Variants in PCNX2 observed in about 807,000 individuals in gnomAD.
The protein encoded by PCNX2 is pecanex-like protein 2.
In PCNX2, 168 loss-of-function variants were observed where a neutral mutation model predicts 223.8. The observed-to-expected ratio is 0.75, with a 90% CI of 0.66 to 0.85. The LOEUF (loss-of-function observed/expected upper bound fraction) is 0.85, where lower values mean the gene tolerates loss of function less well. Among genes scored for constraint, PCNX2 ranks in the 40% least tolerant of loss-of-function variants. The pLI, the probability that PCNX2 is intolerant of heterozygous loss-of-function variation, is 0.00. For synonymous variants in PCNX2, 1,006 were observed against 1,052.6 expected (o/e 0.96, Z 0.86); for missense variants, 2,507 against 2,675.5 (o/e 0.94, Z 1.39).
intron 19 of PCNX2, among the ~76,000 whole-genome samples, chr1:233,157,704 C>A (rs754837648): frequency 1.3e-5 from 2 of 152,114 alleles, no homozygotes; most frequent in African/African-American, 4.8e-5. Context: ...GGCAGAAGTC[C>A]AGGAAGAAGA....
intron 23 of PCNX2, among the ~76,000 whole-genome samples, chr1:233,066,421 A>G (rs541162673): frequency 4.3e-4 from 65 of 152,312 alleles, no homozygotes; most frequent in African/African-American, 1.5e-3. Flanking sequence ...GGTTGCTGGC[A>G]TCTCTGAGTT....
chr1:233,124,629 A>G (rs747436801), intron 21 of PCNX2, among the ~76,000 whole-genome samples: 5 of 152,234 alleles, frequency 3.3e-5, no homozygotes, highest in African/African-American at 4.8e-5. Context: ...AGAGGAAATA[A>G]CATTTGTTGT....
At chr1:233,070,228 C>T (rs911674008) in intron 23 of PCNX2, among the ~76,000 whole-genome samples, 4 of 152,036 alleles carry the variant, frequency 2.6e-5, no homozygotes, top group Admixed American at 2.6e-4. Flanking sequence ...CTTAGAAACT[C>T]CCCCCAAAAT....
At chr1:233,136,222 T>C (rs1449448416) in intron 20 of PCNX2, among the ~76,000 whole-genome samples, 1 of 152,150 alleles carries the variant, frequency 6.6e-6, no homozygotes, top group Non-Finnish European at 1.5e-5. Flanking sequence ...GTGGGAAAAT[T>C]TCTAGAAAAT....
chr1:233,324,557 C>T, the PCNX2 span, among the ~76,000 whole-genome samples: 10 of 151,898 alleles, frequency 6.6e-5, no homozygotes, highest in Non-Finnish European at 1.2e-4. Flanking sequence ...CACAACAAAG[C>T]CTGGATGACA....
chr1:233,007,832 T>C (rs1004591047), intron 28 of PCNX2, among the ~76,000 whole-genome samples: 1 of 151,542 alleles, frequency 6.6e-6, no homozygotes, highest in Non-Finnish European at 1.5e-5. Flanking sequence ...CCTGCCACCA[T>C]GCCCGGCTAT....
intron 10 of PCNX2, among the ~76,000 whole-genome samples, chr1:233,222,551 A>G (rs899900668): frequency 1.3e-5 from 2 of 152,158 alleles, no homozygotes; most frequent in African/African-American, 4.8e-5. Context: ...TTAAAAAAAA[A>G]TACTATACAA....
At chr1:233,116,684 C>T (rs1415077420) in intron 21 of PCNX2, among the ~76,000 whole-genome samples, 1 of 152,050 alleles carries the variant, frequency 6.6e-6, no homozygotes, top group Non-Finnish European at 1.5e-5. Context: ...GCACTAAATG[C>T]ATACATTAGA....
intron 8 of PCNX2, chr1:233,241,412 T>G: frequency 1.0e-6 from 1 of 972,318 alleles, no homozygotes; most frequent in Non-Finnish European, 1.2e-6. Flanking sequence ...TATGCCTCTA[T>G]GCCTGGGTGA....
chr1:233,118,071 G>C (rs912894874), intron 21 of PCNX2, among the ~76,000 whole-genome samples: 1 of 151,610 alleles, frequency 6.6e-6, no homozygotes, highest in South Asian at 2.1e-4. Context: ...AGGGATGCAA[G>C]GTTGGTTTAA....
chr1:233,046,287 T>C (rs1671820272), intron 25 of PCNX2, among the ~76,000 whole-genome samples: 1 of 152,198 alleles, frequency 6.6e-6, no homozygotes, highest in African/African-American at 2.4e-5. Flanking sequence ...AAAGCCATTA[T>C]TTTGGAAAAC....
At chr1:233,155,531 A>G (rs1558289934) in intron 19 of PCNX2, among the ~76,000 whole-genome samples, 1 of 152,190 alleles carries the variant, frequency 6.6e-6, no homozygotes, top group Non-Finnish European at 1.5e-5. Flanking sequence ...ATGAATCTCA[A>G]TACCATACTT....
intron 22 of PCNX2, among the ~76,000 whole-genome samples, chr1:233,092,042 A>G (rs1465954416): frequency 3.3e-5 from 5 of 152,216 alleles, no homozygotes; most frequent in African/African-American, 1.2e-4. Flanking sequence ...CACAAAACAC[A>G]ACAAATTAGC....
intron 32 of PCNX2, among the ~76,000 whole-genome samples, chr1:232,989,885 C>T (rs1388796346): frequency 1.3e-5 from 2 of 152,338 alleles, no homozygotes; most frequent in South Asian, 4.1e-4. Flanking sequence ...CAAGGGGCTG[C>T]CACTGCAGAC....
At chr1:233,292,714 A>G (rs1661843203) in intron 1 of PCNX2, among the ~76,000 whole-genome samples, 1 of 152,212 alleles carries the variant, frequency 6.6e-6, no homozygotes, top group Non-Finnish European at 1.5e-5. Flanking sequence ...CGAAGATCTG[A>G]AGAACAAAGC....
intron 21 of PCNX2, among the ~76,000 whole-genome samples, chr1:233,124,307 CTTATCCAGCAGACAGCA>C (rs754163526): frequency 6.6e-4 from 100 of 152,246 alleles, no homozygotes; most frequent in Non-Finnish European, 1.2e-3. Flanking sequence ...GGGGGTTAGT[CTTATCCAGCAGACAGCA>C]AACTGTGAAA....
intron 24 of PCNX2, 91 bp from the exon 25 acceptor site, chr1:233,054,574 G>C (rs1280740505): frequency 9.8e-7 from 1 of 1,022,384 alleles, no homozygotes; most frequent in South Asian, 1.6e-5. Flanking sequence ...CTGATTAAGG[G>C]TAAAATCAGA....
intron 12 of PCNX2, among the ~76,000 whole-genome samples, chr1:233,217,451 T>C (rs1417593044): frequency 6.6e-6 from 1 of 152,206 alleles, no homozygotes; most frequent in Non-Finnish European, 1.5e-5. Context: ...GCACATTAAA[T>C]GGATTATTTA....
intron 17 of PCNX2, among the ~76,000 whole-genome samples, chr1:233,165,061 G>T (rs1015083932): frequency 1.3e-5 from 2 of 151,988 alleles, no homozygotes; most frequent in Admixed American, 1.3e-4. Context: ...AAATAAGTGA[G>T]GTGATATTTT....
Sources: allele counts gnomAD v4.1 joint callset (sites outside exome capture counted in the v4.1 genomes callset), GRCh38; gene constraint gnomAD v4.1.1; transcripts MANE v1.5; gene names NCBI Gene and HGNC (gene_info 2026-07-23, HGNC 2026-07-21).